The following CCBE1 variants were observed in gnomAD, a reference collection of about 807,000 sequenced individuals.
CCBE1 encodes the protein collagen and calcium-binding EGF domain-containing protein 1.
Under a neutral mutation model 50.0 loss-of-function variants are expected in CCBE1, and 37 were observed. The ratio of observed to expected loss-of-function variants is 0.74; its 90% confidence interval spans 0.57 to 0.97. The LOEUF is 0.97. Ranked by LOEUF, CCBE1 falls within the 50% of genes least tolerant of loss-of-function variation. The pLI, the probability that CCBE1 is intolerant of heterozygous loss-of-function variation, is 0.00. For synonymous variants in CCBE1, 234 were observed against 203.7 expected (o/e 1.15, Z -1.27); for missense variants, 538 against 523.8 (o/e 1.03, Z -0.26).
At chr18:59,659,532 G>A (rs752886178) in intron 2 of CCBE1, among the ~76,000 whole-genome samples, 5 of 152,168 alleles carry the variant, frequency 3.3e-5, no homozygotes, top group Non-Finnish European at 4.4e-5. Flanking sequence ...TTAATTCACC[G>A]CATGCCAAAC....
In CCBE1 at chr18:59,517,314, G is replaced by A. The variant is rs557286235; in HGVS notation, c.213-37076C>T. Among the ~76,000 whole-genome samples, 25 of 152,312 alleles carry A rather than the reference G, an allele frequency of 1.6e-4. 1 individual carries two copies. The South Asian group carries it at 5.0e-3, about 30-fold the overall frequency. On this transcript the variant is annotated intron_variant, in intron 2 of 10. Transcript: ENST00000439986. ...ACTGTTGTTATTTGTAAGGAATCCT[G>A]GGTATTTGGCATTCCTGGAATATTC...
At chr18:59,605,352 A>G (rs181319467) in intron 2 of CCBE1, among the ~76,000 whole-genome samples, 2 of 152,332 alleles carry the variant, frequency 1.3e-5, no homozygotes, top group Admixed American at 1.3e-4. Context: ...GACAAGTTTT[A>G]TCCTTATAGA....
At chr18:59,606,184 C>A (rs1198532543) in intron 2 of CCBE1, among the ~76,000 whole-genome samples, 1 of 152,182 alleles carries the variant, frequency 6.6e-6, no homozygotes, top group Non-Finnish European at 1.5e-5. Flanking sequence ...AGGCAGAGAT[C>A]ACATTTGTGT....
In CCBE1 at chr18:59,580,166, C is replaced by G. The variant is rs149806637; in HGVS notation, c.213-99928G>C. ...TAAGCTGGGAACTGCTTAGGGCAAG[C>G]CTGCCTCTTGTTCTCTTTAAAGTCA... On this transcript the variant is annotated intron_variant, in intron 2 of 10. Transcript: ENST00000439986. Among the ~76,000 whole-genome samples, 301 of 152,302 alleles carry G rather than the reference C, an allele frequency of 2.0e-3. 4 individuals carry two copies. In the East Asian group the frequency reaches 0.03, roughly 15 times the overall value.
chr18:59,543,774 G>A (rs915103861), intron 2 of CCBE1, among the ~76,000 whole-genome samples: 1 of 141,438 alleles, frequency 7.1e-6, no homozygotes, highest in Non-Finnish European at 1.5e-5. Context: ...GGTGGAGCTT[G>A]CAGTGAGCCA....
chr18:59,638,958 C>A (rs867606311), intron 2 of CCBE1, among the ~76,000 whole-genome samples: 1 of 152,114 alleles, frequency 6.6e-6, no homozygotes, highest in African/African-American at 2.4e-5. Context: ...TTTACTTTAA[C>A]CTTTAGATTG....
At chr18:59,495,998 G>A (rs772570086) in intron 2 of CCBE1, among the ~76,000 whole-genome samples, 2 of 152,202 alleles carry the variant, frequency 1.3e-5, no homozygotes, top group African/African-American at 2.4e-5. Context: ...CTCTTTGATA[G>A]TGGAAGCATT....
chr18:59,439,464 C>CAA, intron 9 of CCBE1, 79 bp downstream of exon 9: 2 of 1,572,786 alleles, frequency 1.3e-6, no homozygotes, highest in Non-Finnish European at 1.7e-6. Flanking sequence ...AAGACCATCT[C>CAA]AAAAAACAAA....
At chr18:59,605,971 G>A (rs973780213) in intron 2 of CCBE1, among the ~76,000 whole-genome samples, 5 of 152,154 alleles carry the variant, frequency 3.3e-5, no homozygotes, top group Non-Finnish European at 5.9e-5. Flanking sequence ...CGCGATGCTC[G>A]AATGTCCGAA....
chr18:59,663,812 A>G (rs1237770734), intron 2 of CCBE1, among the ~76,000 whole-genome samples: 1 of 152,194 alleles, frequency 6.6e-6, no homozygotes, highest in Non-Finnish European at 1.5e-5. Context: ...AATCAATTAC[A>G]TTATGAAAAG....
chr18:59,689,033 G>T (rs1183793697), intron 2 of CCBE1, among the ~76,000 whole-genome samples: 1 of 152,164 alleles, frequency 6.6e-6, no homozygotes, highest in African/African-American at 2.4e-5. Context: ...GGGCCAAATT[G>T]GGATTCTGTG....
chr18:59,491,979 C>G (rs141529439), intron 2 of CCBE1, among the ~76,000 whole-genome samples: 2 of 150,584 alleles, frequency 1.3e-5, no homozygotes, highest in Non-Finnish European at 3.0e-5. Flanking sequence ...AACCCTGTCT[C>G]TACTAAAATA....
At chr18:59,524,892 C>T (rs557868466) in intron 2 of CCBE1, among the ~76,000 whole-genome samples, 1 of 152,262 alleles carries the variant, frequency 6.6e-6, no homozygotes, top group African/African-American at 2.4e-5. Context: ...TAATGGCTTC[C>T]AGCTCCATCC....
chr18:59,551,766 C>G (rs903027725), intron 2 of CCBE1, among the ~76,000 whole-genome samples: 1 of 152,180 alleles, frequency 6.6e-6, no homozygotes, highest in Non-Finnish European at 1.5e-5. Context: ...AAGGGGAATT[C>G]AAAGTCAGAA....
chr18:59,449,402 A>T (rs1910824831), intron 6 of CCBE1, among the ~76,000 whole-genome samples: 1 of 150,814 alleles, frequency 6.6e-6, no homozygotes, highest in Non-Finnish European at 1.5e-5. Flanking sequence ...CAGGTGGATC[A>T]CTTGAGGTCA....
At chr18:59,608,918 G>T (rs1434324238) in intron 2 of CCBE1, among the ~76,000 whole-genome samples, 2 of 152,120 alleles carry the variant, frequency 1.3e-5, no homozygotes, top group African/African-American at 4.8e-5. Context: ...TCCAGTCTTT[G>T]CTCATCCATA....
chr18:59,590,349 A>G (rs182677145), intron 2 of CCBE1, among the ~76,000 whole-genome samples: 16 of 152,322 alleles, frequency 1.1e-4, no homozygotes, highest in Admixed American at 9.8e-4. Flanking sequence ...ATAAATGAAG[A>G]ATGTTTTAAA....
intron 2 of CCBE1, among the ~76,000 whole-genome samples, chr18:59,509,934 G>A (rs1914058738): frequency 6.6e-6 from 1 of 152,204 alleles, no homozygotes; most frequent in Non-Finnish European, 1.5e-5. Flanking sequence ...AGGGAGGGGA[G>A]TGGCTGTGCA....
chr18:59,606,304 C>A (rs554846698), intron 2 of CCBE1, among the ~76,000 whole-genome samples: 17 of 152,242 alleles, frequency 1.1e-4, no homozygotes, highest in Non-Finnish European at 2.4e-4. Flanking sequence ...ACACAGTGAC[C>A]CTTTCAGGGA....
Sources: gnomAD v4.1 joint callset for allele counts (sites outside exome capture counted in the v4.1 genomes callset) on GRCh38, gnomAD v4.1.1 for gene constraint, MANE v1.5 for transcripts, NCBI Gene and HGNC (gene_info 2026-07-23, HGNC 2026-07-21) for gene names.